Variants in GLB1L2 observed in about 807,000 individuals in gnomAD.
GLB1L2 encodes galactosidase beta 1 like 2.
Under a neutral mutation model 84.1 loss-of-function variants are expected in GLB1L2, and 68 were observed. That is an observed-to-expected ratio of 0.81 (90% CI 0.67 to 0.99). GLB1L2 has a LOEUF of 0.99. GLB1L2 is among the 50% of genes least tolerant of loss of function. The pLI, the probability that GLB1L2 is intolerant of heterozygous loss-of-function variation, is 0.00. For missense variants in GLB1L2, 762 were observed against 805.6 expected (o/e 0.95, Z 0.66); for synonymous variants, 290 against 318.0 (o/e 0.91, Z 0.94).
At chr11:134,345,293 C>T (rs1763113310) in intron 4 of GLB1L2, among the ~76,000 whole-genome samples, 164 bp downstream of exon 4, 3 of 152,242 alleles carry the variant, frequency 2.0e-5, no homozygotes, top group African/African-American at 2.4e-5. Context: ...GAGGGGATCG[C>T]TTTCAGTGAT....
At chr11:134,345,351 C>T (rs1031830129) in intron 4 of GLB1L2, among the ~76,000 whole-genome samples, 4 of 152,250 alleles carry the variant, frequency 2.6e-5, no homozygotes, top group African/African-American at 9.6e-5. Flanking sequence ...GCTTGTGTGA[C>T]AGGCAGCAGC....
intron 4 of GLB1L2, chr11:134,346,883 C>T (rs1943559130): frequency 1.1e-5 from 2 of 177,454 alleles, no homozygotes; most frequent in Non-Finnish European, 2.5e-5. Context: ...GCCTCCTGCT[C>T]AGCCCCTCGC....
chr11:134,345,702 C>T (rs1239552750), intron 4 of GLB1L2, among the ~76,000 whole-genome samples: 1 of 152,196 alleles, frequency 6.6e-6, no homozygotes. Context: ...AACTCCTGAC[C>T]TTGTGATCTG....
chr11:134,347,558 C>T (rs769279465), intron 5 of GLB1L2, 125 bp downstream of exon 5: 10 of 694,372 alleles, frequency 1.4e-5, no homozygotes, highest in Middle Eastern at 2.6e-4. Flanking sequence ...TCTTCCTCAC[C>T]GTCCGAGACT....
Position 134,357,827 on chromosome 11 carries a change from T to A in GLB1L2, c.652-1233T>A, listed in dbSNP as rs556771726. ...AGAGAACAGGTGCCTGCTCCCAGCC[T>A]AGCTCTGCAGATCTCTGGTGCTCAG... is the stretch of plus-strand genomic sequence containing the variant. On this transcript the variant is annotated intron_variant, in intron 6 of 18. Transcript: ENST00000535456. Among the ~76,000 whole-genome samples the A allele has an allele frequency of 3.3e-5, 5 of 152,368 alleles. No homozygotes were observed. The South Asian group carries it at 1.0e-3, about 32-fold the overall frequency.
At chr11:134,366,033 C>A (rs1418984987) in intron 8 of GLB1L2, among the ~76,000 whole-genome samples, 2 of 152,192 alleles carry the variant, frequency 1.3e-5, no homozygotes, top group African/African-American at 4.8e-5. Context: ...GTATAAGACA[C>A]CCTGTAAGTA....
intron 5 of GLB1L2, among the ~76,000 whole-genome samples, chr11:134,353,096 A>G (rs533678835): frequency 2.3e-4 from 35 of 152,214 alleles, no homozygotes; most frequent in African/African-American, 6.7e-4. Context: ...ACTTTGTAAG[A>G]TTTCAATTTT....
chr11:134,371,534 G>A, intron 14 of GLB1L2, 42 bp downstream of exon 14: 3 of 1,241,338 alleles, frequency 2.4e-6, no homozygotes, highest in Non-Finnish European at 2.4e-6. Context: ...AGCCCCCGCT[G>A]CTTCGAGGAA....
At chr11:134,367,948 G>A (rs564667702) in intron 9 of GLB1L2, among the ~76,000 whole-genome samples, 235 of 152,302 alleles carry the variant, frequency 1.5e-3, no homozygotes, top group Admixed American at 4.8e-3. Flanking sequence ...CCTGCGCTCT[G>A]CGCACCCGGC....
At chr11:134,365,922 C>A (rs1024279242) in intron 8 of GLB1L2, among the ~76,000 whole-genome samples, 1 of 152,206 alleles carries the variant, frequency 6.6e-6, no homozygotes, top group East Asian at 1.9e-4. Context: ...TCTTGAGCAC[C>A]TCCTACCTGC....
At position 134,334,991 on chromosome 11, in the gene GLB1L2, C is replaced by T. The variant is rs1943360078; in HGVS notation, c.86+2844C>T. ...AGCAAGAATACAGGCAACGCTGCAT[C>T]TCTCATACCTGAAATTTTAGCTGGG... On this transcript the variant is annotated intron_variant, in intron 1 of 18. Transcript: ENST00000535456. The surrounding 1 kb of genome is among the most constrained non-coding windows in gnomAD (Gnocchi z 4.1). 6.6e-6 allele frequency among the ~76,000 whole-genome samples: 1 copy of T among 152,112 alleles called. No individual in the cohort carries two copies. The highest frequency in any genetic ancestry group is 1.5e-5 in the Non-Finnish European group (1 of 68,016).
Position 134,373,813 on chromosome 11 carries a change from G to A in GLB1L2, c.1595+5G>A. On this transcript the variant is annotated splice_donor_5th_base_variant and intron_variant, in intron 16 of 18. Transcript: ENST00000535456. ...GAAGAAGAGCTTCTTTCAGAGGTGG[G>A]TCCCTGCCCAGCACCAGCCCTTGCA... The A allele has an allele frequency of 1.3e-6, 2 of 1,593,348 alleles. No homozygotes were observed. Among genetic ancestry groups the A allele is most frequent in the Non-Finnish European group, 1.7e-6 (2 of 1,161,642 alleles).
intron 8 of GLB1L2, among the ~76,000 whole-genome samples, chr11:134,366,315 ATTC>A (rs1943866878): frequency 6.6e-6 from 1 of 152,236 alleles, no homozygotes; most frequent in Admixed American, 6.5e-5. Flanking sequence ...TGCTAGAAGA[ATTC>A]TTGTAACTAC....
chr11:134,370,215 G>T lies in GLB1L2; in HGVS notation c.1109-78G>T. ...GACGCAGGAGCACATCGGGTCTGTG[G>T]ATGGGAGCCGGGTGGGGAGGACGAG... is the stretch of plus-strand genomic sequence containing the variant. On this transcript the variant is annotated intron_variant, in intron 11 of 18. Coordinates refer to ENST00000535456, the MANE Select transcript of GLB1L2 (RefSeq NM_001370461.1). The surrounding 1 kb of genome is among the most constrained non-coding windows in gnomAD (Gnocchi z 4.7). 8.2e-7 allele frequency: 1 copy of T among 1,212,384 alleles called. No homozygotes were observed. 75.1% of individuals were successfully genotyped at this position (1,212,384 alleles called of 1,614,324 possible).
chr11:134,358,367 G>A (rs1349029988), intron 6 of GLB1L2, among the ~76,000 whole-genome samples: 9 of 152,386 alleles, frequency 5.9e-5, no homozygotes, highest in Middle Eastern at 3.4e-3. Flanking sequence ...TGCAAGGCTC[G>A]CGTAGGACAG....
In GLB1L2 at chr11:134,364,468, A is replaced by G. The variant is rs1436497356; in HGVS notation, c.804+70A>G. On this transcript the variant is annotated intron_variant, in intron 8 of 18. Coordinates refer to ENST00000535456, the MANE Select transcript of GLB1L2 (RefSeq NM_001370461.1). ...CCTATGGGAATTCTGAATGCCTGTC[A>G]GCGTGCTCAGCTTCCCCAGCGCAGG... The G allele has an allele frequency of 4.9e-6, 6 of 1,216,884 alleles. No individual in the cohort carries two copies. In the African/African-American group the frequency reaches 7.5e-5, roughly 15 times the overall value. 75.4% of individuals were successfully genotyped at this position (1,216,884 alleles called of 1,614,324 possible). A position where few individuals can be genotyped will look rare whatever the true frequency, so the allele number is the denominator to read the frequency against.
chr11:134,367,309 G>C lies in GLB1L2; in HGVS notation c.857G>C (p.Trp286Ser). The stretch of plus-strand genomic sequence containing the variant: ...TACTGGACGGGGTGGTTTGACTCGT[G>C]GGGAGGCCCTCACAATATCTTGGAT... ...MEYWTGWFDS[W>S]GGPHNILDSS... is the part of the protein sequence containing the mutation. The change falls in exon 9 of 19, where the codon TGG (tryptophan) becomes TCG (serine). Residue 286 changes from tryptophan (W) to serine (S), a missense_variant. Physicochemically the swap from Trp to Ser is radical, Grantham distance 177. Coordinates refer to ENST00000535456, the MANE Select transcript of GLB1L2 (RefSeq NM_001370461.1). 6.2e-7 allele frequency: 1 copy of C among 1,614,104 alleles called. No homozygotes were observed.
intron 5 of GLB1L2, among the ~76,000 whole-genome samples, chr11:134,351,345 C>CTTTTTTTTTT (rs367790049): frequency 5.4e-5 from 7 of 129,132 alleles, no homozygotes; most frequent in Admixed American, 8.0e-5. Flanking sequence ...CTTTTTCTTT[C>CTTTTTTTTTT]TTTTTTTTTT....
At chr11:134,354,314 T>C (rs191392178) in intron 5 of GLB1L2, among the ~76,000 whole-genome samples, 47 of 152,302 alleles carry the variant, frequency 3.1e-4, no homozygotes, top group Non-Finnish European at 1.0e-4. Context: ...CTTTATTTTA[T>C]TGATGTCACA....
Sources: allele counts gnomAD v4.1 joint callset (sites outside exome capture counted in the v4.1 genomes callset), GRCh38; gene constraint gnomAD v4.1.1; non-coding constraint Gnocchi (gnomAD v3.1); transcripts MANE v1.5; gene names NCBI Gene and HGNC (gene_info 2026-07-23, HGNC 2026-07-21).